Variants in RDX observed in about 807,000 individuals in gnomAD.
The protein encoded by RDX is deafness, autosomal recessive 24.
In RDX, 32 loss-of-function variants were observed where a neutral mutation model predicts 83.7. The ratio of observed to expected loss-of-function variants is 0.38; its 90% CI spans 0.29 to 0.51. The LOEUF is 0.51. Ranked by LOEUF, RDX falls within the 20% of genes least tolerant of loss-of-function variation. RDX has a pLI of 0.87. For missense variants in RDX, 600 were observed against 689.9 expected (o/e 0.87, Z 1.46); for synonymous variants, 229 against 222.7 (o/e 1.03, Z -0.25).
rs1859632744 is a variant in RDX at position 110,258,265 on chromosome 11, C to T, written c.468-76G>A. ...GCATACACTTTAAAAGTAAAGAATC[C>T]TTTCAGTAACTTGACTGTGGTAGTT... On this transcript the variant is annotated intron_variant, in intron 5 of 13. Coordinates refer to ENST00000645495, the MANE Select transcript of RDX (RefSeq NM_002906.4). 4 of 939,412 alleles carry T rather than the reference C, an allele frequency of 4.3e-6. No individual in the cohort carries two copies. In the Admixed American group the frequency reaches 7.4e-5, roughly 17 times the overall value. The allele number at this position is 939,412 out of a possible 1,614,324, so 58.2% of individuals were successfully genotyped here.
chr11:110,277,474 A>G (rs1248494088), intron 2 of RDX, among the ~76,000 whole-genome samples: 1 of 151,850 alleles, frequency 6.6e-6, no homozygotes, highest in Admixed American at 6.6e-5. Flanking sequence ...AATGTGCCAC[A>G]ATGCCTGGCT....
At chr11:110,270,563 T>C (rs1860262362) in intron 3 of RDX, among the ~76,000 whole-genome samples, 1 of 152,224 alleles carries the variant, frequency 6.6e-6, no homozygotes, top group Admixed American at 6.5e-5. Context: ...GATTTTCATT[T>C]AACTCTCACA....
At chr11:110,182,711 G>A (rs1862911550) in intron 15 of RDX, among the ~76,000 whole-genome samples, 1 of 152,198 alleles carries the variant, frequency 6.6e-6, no homozygotes, top group African/African-American at 2.4e-5. Context: ...CTTGTACCAA[G>A]TCTCTTCATT....
At chr11:110,255,209 CTG>C in intron 8 of RDX, 78 bp downstream of exon 8, 1 of 775,202 alleles carries the variant, frequency 1.3e-6, no homozygotes, top group Non-Finnish European at 2.2e-6. Context: ...TAAATGAACA[CTG>C]TTATTCTTCA....
intron 15 of RDX, among the ~76,000 whole-genome samples, chr11:110,194,964 T>C (rs1488855167): frequency 7.0e-6 from 1 of 142,986 alleles, no homozygotes; most frequent in African/African-American, 2.7e-5. Context: ...AAGAGTGACT[T>C]TTTTGGTTGT....
intron 14 of RDX, among the ~76,000 whole-genome samples, chr11:110,220,878 TAA>T (rs386374875): frequency 3.5e-4 from 38 of 109,286 alleles, no homozygotes; most frequent in Non-Finnish European, 3.0e-4. Flanking sequence ...ACAGCCTCTG[TAA>T]AAAAAAAAAA....
chr11:110,250,916 T>TTCTAGATA (rs890278083), intron 9 of RDX, among the ~76,000 whole-genome samples: 23 of 152,324 alleles, frequency 1.5e-4, no homozygotes, highest in Admixed American at 2.6e-4. Context: ...TATCTAGTTT[T>TTCTAGATA]TGTAGGCCTG....
At position 110,255,356 on chromosome 11, in the gene RDX, C is replaced by G; in HGVS notation, c.728G>C (p.Ser243Thr). 1 of 1,592,866 alleles carries G rather than the reference C, an allele frequency of 6.3e-7. No individual in the cohort carries two copies. Among genetic ancestry groups the G allele is most frequent in the African/African-American group, 1.3e-5 (1 of 74,634 alleles). Residue 243 changes from serine (S) to threonine (T), a missense_variant, in exon 8 of 14, where the codon AGT becomes ACT. Ser to Thr is a moderately conservative substitution (Grantham distance 58). Transcript: ENST00000645495. ...KLTPKIGFPW[S>T]EIRNISFNDK... The stretch of plus-strand genomic sequence containing the variant: ...ATTAAATGAAATATTTCTGATTTCA[C>G]TCCAGGGAAAACCAATTTTAGGTGT...
At chr11:110,198,744 T>G (rs1367574713) in intron 15 of RDX, among the ~76,000 whole-genome samples, 1 of 151,868 alleles carries the variant, frequency 6.6e-6, no homozygotes, top group Non-Finnish European at 1.5e-5. Flanking sequence ...CAGTCCTTGG[T>G]GCAAAAAGGT....
chr11:110,219,136 C>T (rs888895443), intron 14 of RDX, among the ~76,000 whole-genome samples: 3 of 152,086 alleles, frequency 2.0e-5, no homozygotes, highest in Admixed American at 1.3e-4. Flanking sequence ...AAAAGGCGGC[C>T]TCATTGAGGT....
At chr11:110,270,915 C>G (rs1030408741) in intron 3 of RDX, among the ~76,000 whole-genome samples, 1 of 152,118 alleles carries the variant, frequency 6.6e-6, no homozygotes, top group African/African-American at 2.4e-5. Flanking sequence ...ACAATAAATG[C>G]TAACTCTATT....
chr11:110,225,965 C>T (rs1864419145), downstream of RDX, among the ~76,000 whole-genome samples: 1 of 151,018 alleles, frequency 6.6e-6, no homozygotes, highest in African/African-American at 2.4e-5. Flanking sequence ...ACTCGGAAGG[C>T]TGAGGCAGGA....
At position 110,255,314 on chromosome 11, in the gene RDX, A is replaced by G; in HGVS notation, c.770T>C (p.Ile257Thr). 3.8e-6 allele frequency: 6 copies of G among 1,586,868 alleles called. No homozygotes were observed. Among genetic ancestry groups the G allele is most frequent in the South Asian group, 1.1e-5 (1 of 90,408 alleles). ...AGGTGCCTTTTTGTCGATTGGCTTT[A>G]TAACAAATTTTTTGTCATTAAATGA... ...NISFNDKKFV[I>T]KPIDKKAPDF... Residue 257 changes from isoleucine to threonine, a missense_variant, in exon 8 of 14, where the codon ATA (isoleucine) becomes ACA (threonine). Coordinates refer to ENST00000645495, the MANE Select transcript of RDX (RefSeq NM_002906.4).
chr11:110,265,248 G>A (rs1384548490), intron 3 of RDX, among the ~76,000 whole-genome samples: 3 of 151,588 alleles, frequency 2.0e-5, no homozygotes, highest in East Asian at 1.9e-4. Flanking sequence ...GCACTACCAC[G>A]CCTAGCTAAT....
intron 14 of RDX, among the ~76,000 whole-genome samples, chr11:110,210,294 G>T (rs1863784623): frequency 7.4e-6 from 1 of 134,638 alleles, no homozygotes; most frequent in African/African-American, 2.9e-5. Context: ...GAGAAAAAAA[G>T]AATAAAAAGA....
intron 10 of RDX, among the ~76,000 whole-genome samples, chr11:110,245,027 C>G (rs539730402): frequency 6.7e-6 from 1 of 148,588 alleles, no homozygotes; most frequent in African/African-American, 2.5e-5. Flanking sequence ...CGCAGTAGTG[C>G]AGTCTTGGCT....
At chr11:110,217,936 T>C (rs1358058598) in intron 14 of RDX, among the ~76,000 whole-genome samples, 4 of 152,166 alleles carry the variant, frequency 2.6e-5, no homozygotes, top group Non-Finnish European at 5.9e-5. Flanking sequence ...TGATGATGTA[T>C]TAAATTATTT....
At chr11:110,197,115 G>T (rs1302314783) in intron 15 of RDX, among the ~76,000 whole-genome samples, 1 of 152,114 alleles carries the variant, frequency 6.6e-6, no homozygotes, top group Non-Finnish European at 1.5e-5. Flanking sequence ...GCCCAGGCTG[G>T]TCTCAAACTC....
chr11:110,293,974 T>C (rs1861345761), intron 1 of RDX, among the ~76,000 whole-genome samples: 1 of 152,226 alleles, frequency 6.6e-6, no homozygotes, highest in African/African-American at 2.4e-5. Flanking sequence ...CTCACCATCA[T>C]TTACCATTTC....
Sources: allele counts gnomAD v4.1 joint callset (sites outside exome capture counted in the v4.1 genomes callset), GRCh38; gene constraint gnomAD v4.1.1; transcripts MANE v1.5; gene names NCBI Gene and HGNC (gene_info 2026-07-23, HGNC 2026-07-21).